SLC14A2: variants seen among roughly 807,000 people sequenced by gnomAD.
SLC14A2 encodes the protein urea transporter 2.
A neutral mutation model predicts 104.6 loss-of-function variants in SLC14A2; 91 were observed. The ratio of observed to expected loss-of-function variants is 0.87; its 90% CI spans 0.73 to 1.04. The LOEUF is 1.04. SLC14A2 is among the 50% of genes least tolerant of loss of function. SLC14A2 has a pLI of 0.00. For missense variants in SLC14A2, 1,189 were observed against 1,156.0 expected (o/e 1.03, Z -0.41); for synonymous variants, 476 against 466.4 (o/e 1.02, Z -0.27).
chr18:45,319,085 T>C (rs1488592264), intron 1 of SLC14A2, among the ~76,000 whole-genome samples: 6 of 152,124 alleles, frequency 3.9e-5, no homozygotes, highest in Admixed American at 3.9e-4. Context: ...CGTGAAGACT[T>C]CCCACTCATA....
At chr18:45,168,482 T>C in the SLC14A2 span, 4 of 151,868 alleles carry the variant, frequency 2.6e-5, no homozygotes, top group African/African-American at 9.7e-5. Context: ...TTCCTTAGAG[T>C]TGTGTGTTGA....
intron 1 of SLC14A2, among the ~76,000 whole-genome samples, chr18:45,214,523 A>G (rs943122451): frequency 3.9e-5 from 6 of 152,136 alleles, no homozygotes; most frequent in African/African-American, 1.4e-4. Flanking sequence ...GTAATGTTAC[A>G]TTTTGTATCT....
intron 1 of SLC14A2, among the ~76,000 whole-genome samples, chr18:45,312,278 A>G (rs567143963): frequency 5.3e-4 from 80 of 152,318 alleles, no homozygotes; most frequent in Admixed American, 1.1e-3. Context: ...TAGGAAAGGT[A>G]AATTTGTTAT....
chr18:45,301,986 G>A lies in SLC14A2; in HGVS notation c.-125+88795G>A, dbSNP rs921053719. On this transcript the variant is annotated intron_variant, in intron 1 of 20. Coordinates refer to the SLC14A2 transcript ENST00000586448. Reference sequence around the variant, plus strand: ...CTGTCTTTGAAACTTTCTCTACAATGCCAGCCCTGAAGTCTCACTCCCTCT... The same window carrying A: ...CTGTCTTTGAAACTTTCTCTACAATACCAGCCCTGAAGTCTCACTCCCTCT... Among the ~76,000 whole-genome samples the A allele has an allele frequency of 2.0e-5, 3 of 152,168 alleles. No individual in the cohort carries two copies. The South Asian group carries it at 6.2e-4, about 32-fold the overall frequency.
At chr18:45,668,708 G>A (rs1238880150) in intron 15 of SLC14A2, among the ~76,000 whole-genome samples, 1 of 152,214 alleles carries the variant, frequency 6.6e-6, no homozygotes, top group Non-Finnish European at 1.5e-5. Context: ...AGATCTAAAT[G>A]GTTTTTGGTC....
At chr18:45,251,063 G>T (rs1470655336) in intron 1 of SLC14A2, among the ~76,000 whole-genome samples, 3 of 152,156 alleles carry the variant, frequency 2.0e-5, no homozygotes, top group Non-Finnish European at 4.4e-5. Context: ...TTGGGGAACA[G>T]TTAAAGTATT....
intron 2 of SLC14A2, among the ~76,000 whole-genome samples, chr18:45,519,656 A>C (rs1484358820): frequency 6.6e-6 from 1 of 152,218 alleles, no homozygotes; most frequent in African/African-American, 2.4e-5. Context: ...GAGAGAGCTC[A>C]TATAAACCCC....
At chr18:45,245,779 A>G (rs994862462) in intron 1 of SLC14A2, among the ~76,000 whole-genome samples, 3 of 152,210 alleles carry the variant, frequency 2.0e-5, no homozygotes, top group African/African-American at 7.2e-5. Context: ...TCAGTCACCA[A>G]TCATCCATTT....
chr18:45,381,053 C>A (rs2085829381), intron 1 of SLC14A2, among the ~76,000 whole-genome samples: 1 of 152,206 alleles, frequency 6.6e-6, no homozygotes, highest in Admixed American at 6.5e-5. Flanking sequence ...TAGGCTGTCA[C>A]CCCTTAGAAC....
At chr18:45,227,758 T>C (rs2084134219) in intron 1 of SLC14A2, among the ~76,000 whole-genome samples, 1 of 152,142 alleles carries the variant, frequency 6.6e-6, no homozygotes, top group African/African-American at 2.4e-5. Context: ...GGGGCTTAGA[T>C]TGTGGTGCAA....
At chr18:45,609,321 T>C (rs532362214) in intron 2 of SLC14A2, among the ~76,000 whole-genome samples, 1 of 152,006 alleles carries the variant, frequency 6.6e-6, no homozygotes, top group South Asian at 2.1e-4. Context: ...TATCTAAAAC[T>C]TCCCAATCCT....
chr18:45,184,344 G>T, the SLC14A2 span, among the ~76,000 whole-genome samples: 1 of 152,148 alleles, frequency 6.6e-6, no homozygotes, highest in Non-Finnish European at 1.5e-5. Context: ...CTCTTTGGTG[G>T]CAAATGCAGT....
intron 12 of SLC14A2, 28 bp from the exon 13 acceptor site, chr18:45,666,907 G>C: frequency 1.9e-6 from 3 of 1,604,066 alleles, no homozygotes; most frequent in Non-Finnish European, 2.6e-6. Context: ...GAATGTGGGA[G>C]ACTCTTGCCT....
chr18:45,278,462 C>T (rs569662664), intron 1 of SLC14A2, among the ~76,000 whole-genome samples: 1 of 152,246 alleles, frequency 6.6e-6, no homozygotes, highest in South Asian at 2.1e-4. Context: ...GTTAGAGCAT[C>T]AGATGCAGTA....
upstream of SLC14A2, among the ~76,000 whole-genome samples, chr18:45,613,643 C>A (rs950701041): frequency 5.3e-5 from 8 of 152,176 alleles, no homozygotes; most frequent in Non-Finnish European, 1.2e-4. Flanking sequence ...TATGCTTTAG[C>A]AAAGAGACTG....
chr18:45,402,872 G>C (rs1037792908), intron 1 of SLC14A2, among the ~76,000 whole-genome samples: 4 of 152,224 alleles, frequency 2.6e-5, no homozygotes, highest in African/African-American at 9.6e-5. Flanking sequence ...TCATTTCAGA[G>C]AGTGGTGACT....
the SLC14A2 span, among the ~76,000 whole-genome samples, chr18:45,169,614 A>C: frequency 6.6e-6 from 1 of 152,166 alleles, no homozygotes; most frequent in African/African-American, 2.4e-5. Context: ...GAATATAATG[A>C]GATATGATGA....
intron 1 of SLC14A2, chr18:45,436,698 C>T (rs762106200): frequency 2.6e-5 from 4 of 152,130 alleles, no homozygotes; most frequent in Admixed American, 6.5e-5. Flanking sequence ...GATAAATCCA[C>T]GCATTTAAAG....
intron 1 of SLC14A2, among the ~76,000 whole-genome samples, chr18:45,245,018 A>G (rs1471298105): frequency 6.6e-6 from 1 of 152,214 alleles, no homozygotes; most frequent in Non-Finnish European, 1.5e-5. Context: ...TCTTCTGGCT[A>G]AATACTTTAT....
Sources: gnomAD v4.1 joint callset for allele counts (sites outside exome capture counted in the v4.1 genomes callset) on GRCh38, gnomAD v4.1.1 for gene constraint, MANE v1.5 for transcripts, NCBI Gene and HGNC (gene_info 2026-07-23, HGNC 2026-07-21) for gene names.